Variants in SOHLH1 observed in about 807,000 individuals in gnomAD.
SOHLH1 encodes the protein spermatogenesis and oogenesis specific basic helix-loop-helix 1.
Under a neutral mutation model 36.2 loss-of-function variants are expected in SOHLH1, and 23 were observed. The observed-to-expected ratio is 0.64, with a 90% CI of 0.46 to 0.90. The LOEUF (loss-of-function observed/expected upper bound fraction) is 0.90, where lower values mean the gene tolerates loss of function less well. Ranked by LOEUF, SOHLH1 falls within the 40% of genes least tolerant of loss-of-function variation. SOHLH1 has a pLI of 0.00. For synonymous variants in SOHLH1, 289 were observed against 228.3 expected, an observed-to-expected ratio of 1.27 and a Z score of -2.40; for missense variants, 608 against 517.0, an observed-to-expected ratio of 1.18 and a Z score of -1.71.
intron 2 of SOHLH1, 49 bp from the exon 3 acceptor site, chr9:135,698,525 G>A (rs375877097): frequency 3.7e-5 from 60 of 1,612,162 alleles, no homozygotes; most frequent in South Asian, 7.7e-5. Flanking sequence ...TGCCCTCCCC[G>A]AGAAGGGACA....
At chr9:135,700,491 G>A (rs1484967794), upstream of SOHLH1, among the ~76,000 whole-genome samples, 1 of 151,974 alleles carries the variant, frequency 6.6e-6, no homozygotes. Flanking sequence ...GGCCTGGCTC[G>A]TGCTGAGGTC....
At chr9:135,701,536 AC>A (rs1835035077), upstream of SOHLH1, among the ~76,000 whole-genome samples, 1 of 152,026 alleles carries the variant, frequency 6.6e-6, no homozygotes, top group South Asian at 2.1e-4. Context: ...CCGCAGGGGG[AC>A]CCTCTGCTTC....
chr9:135,698,541 T>G (rs917195508), intron 2 of SOHLH1, 65 bp from the exon 3 acceptor site: 4 of 1,607,460 alleles, frequency 2.5e-6, no homozygotes, highest in Non-Finnish European at 3.4e-6. Context: ...GGACAGCAAC[T>G]GCTAGAACCT....
intron 7 of SOHLH1, 56 bp downstream of exon 7, chr9:135,694,331 G>A: frequency 6.2e-7 from 1 of 1,611,458 alleles, no homozygotes. Flanking sequence ...CAATTCCCCA[G>A]CTCATATCAG....
chr9:135,702,106 C>G, upstream of SOHLH1: 1 of 608,316 alleles, frequency 1.6e-6, no homozygotes, highest in East Asian at 3.2e-5. Flanking sequence ...AGGGGGCGCG[C>G]GCGGACAGAC....
Position 135,696,777 on chromosome 9 carries a change from T to C in SOHLH1, c.496A>G (p.Ser166Gly). 3.1e-6 allele frequency: 5 copies of C among 1,613,112 alleles called. No individual in the cohort carries two copies. Among genetic ancestry groups the C allele is most frequent in the Non-Finnish European group, 4.2e-6 (5 of 1,180,008 alleles). ...RTPDVKAFLE[S>G]PWSLDPASAS... The stretch of plus-strand genomic sequence containing the variant: ...GACGCTGGATCCAGGGACCAAGGAC[T>C]TTCCAGAAACGCCTTCACATCTGGG... Residue 166 changes from serine (S) to glycine (G), a missense_variant, in exon 5 of 8, where the codon AGT (serine) becomes GGT (glycine). Transcript: ENST00000425225.
intron 5 of SOHLH1, among the ~76,000 whole-genome samples, chr9:135,695,770 C>T (rs940393256): frequency 1.3e-5 from 2 of 152,122 alleles, no homozygotes; most frequent in African/African-American, 2.4e-5. Flanking sequence ...CAGCAGGGGC[C>T]GAGGGGAGTT....
chr9:135,694,985 G>A (rs1834730063), intron 6 of SOHLH1, 65 bp downstream of exon 6: 1 of 1,480,698 alleles, frequency 6.8e-7, no homozygotes, highest in Admixed American at 2.0e-5. Context: ...GGAGGAGGTG[G>A]GACAGGCTCA....
chr9:135,699,503 C>A (rs779713854), upstream of SOHLH1: 101 of 1,601,338 alleles, frequency 6.3e-5, no homozygotes, highest in Non-Finnish European at 8.4e-5. Flanking sequence ...ACGCGCACGG[C>A]CCCTTCCGCA....
At chr9:135,699,910 G>A (rs369705311), upstream of SOHLH1, among the ~76,000 whole-genome samples, 12 of 152,000 alleles carry the variant, frequency 7.9e-5, no homozygotes, top group East Asian at 1.4e-3. Flanking sequence ...CCCAGGCCTG[G>A]GGGACCCAGG....
rs1390870838 is a variant in SOHLH1 at position 135,693,648 on chromosome 9, C to T, written c.1113G>A (p.Leu371=). Residue 371 remains leucine, a synonymous_variant, in exon 8 of 8, where the codon CTG becomes CTA. Transcript: ENST00000425225. ...PWGLDVDCAG[L]ALKDEVESIF... ...TGCTCTCCACCTCGTCCTTCAGGGC[C>T]AGGCCTGCACAGTCCACATCCAGGC... 3.2e-6 allele frequency: 5 copies of T among 1,586,972 alleles called. No individual in the cohort carries two copies.
upstream of SOHLH1, among the ~76,000 whole-genome samples, chr9:135,701,616 C>T (rs1355443358): frequency 6.6e-6 from 1 of 151,596 alleles, no homozygotes; most frequent in Non-Finnish European, 1.5e-5. Flanking sequence ...TGTGTGTGCC[C>T]GTCTGGGTGA....
In SOHLH1 at chr9:135,693,676, C is replaced by A; in HGVS notation, c.1085G>T (p.Trp362Leu). 1 of 1,584,008 alleles carries A rather than the reference C, an allele frequency of 6.3e-7. No individual in the cohort carries two copies. Among genetic ancestry groups the A allele is most frequent in the Non-Finnish European group, 8.6e-7 (1 of 1,165,824 alleles). ...GCCTGCACAGTCCACATCCAGGCCC[C>A]ACGGCTCCAGAGGGCTGTCCTGGAG... is the stretch of plus-strand genomic sequence containing the variant. ...QELQDSPLEP[W>L]GLDVDCAGLA... The change falls in exon 8 of 8, where the codon TGG (tryptophan) becomes TTG (leucine). Residue 362 changes from tryptophan to leucine, a missense_variant. Trp to Leu is a moderately conservative substitution (Grantham distance 61). Transcript: ENST00000425225.
In SOHLH1 at chr9:135,694,288, T is replaced by C. The variant is rs1834702771; in HGVS notation, c.946+99A>G. 7 of 1,589,944 alleles carry C rather than the reference T, an allele frequency of 4.4e-6. 1 individual carries two copies. Among genetic ancestry groups the C allele is most frequent in the Middle Eastern group, 3.3e-4 (2 of 5,994 alleles). ...AAAACGGGGGCTCAGACACAGACCCTGGGGCCCCCTGACACACGCTAGGCC... is the reference window on the plus strand; with the variant it reads ...AAAACGGGGGCTCAGACACAGACCCCGGGGCCCCCTGACACACGCTAGGCC... On this transcript the variant is annotated intron_variant, in intron 7 of 7. Coordinates refer to ENST00000425225, the MANE Select transcript of SOHLH1 (RefSeq NM_001101677.2).
rs1564300437 is a variant in SOHLH1 at position 135,698,027 on chromosome 9, TCAG to T, written c.345+299_345+301del. On this transcript the variant is annotated intron_variant, in intron 3 of 7. Transcript: ENST00000425225. The stretch of plus-strand genomic sequence containing the variant: ...CTAGGGGGTGCTCAGCCAGGGAGGA[TCAG>T]GAGACCCCAACTCTCCCCCAAATTG... Among the ~76,000 whole-genome samples the T allele has an allele frequency of 2.0e-5, 3 of 151,720 alleles. No homozygotes were observed. In the East Asian group the frequency reaches 5.8e-4, roughly 29 times the overall value.
chr9:135,694,629 T>C (rs1245528542), intron 6 of SOHLH1, among the ~76,000 whole-genome samples, 172 bp from the exon 7 acceptor site: 1 of 152,122 alleles, frequency 6.6e-6, no homozygotes, highest in African/African-American at 2.4e-5. Context: ...CCACAGCCGC[T>C]GAGGACACGG....
rs1834895120 is a variant in SOHLH1, at chr9:135,698,405, A to G, written c.269T>C (p.Met90Thr). The G allele has an allele frequency of 1.9e-6, 3 of 1,613,026 alleles. No homozygotes were observed. The highest frequency in any genetic ancestry group is 1.7e-5 in the Admixed American group (1 of 60,014). The change falls in exon 3 of 8, where the codon ATG (methionine) becomes ACG (threonine). Residue 90 changes from methionine to threonine, a missense_variant. Transcript: ENST00000425225. ...CACAGACATCTCCAGGACCGAGGCCATGTCCTCCCGCCGGCCATCGAACTG... is the reference window on the plus strand; with the variant it reads ...CACAGACATCTCCAGGACCGAGGCCGTGTCCTCCCGCCGGCCATCGAACTG... ...LPQFDGRRED[M>T]ASVLEMSVQF... is the part of the protein sequence containing the mutation.
upstream of SOHLH1, among the ~76,000 whole-genome samples, chr9:135,701,369 C>T (rs1371669391): frequency 6.6e-6 from 1 of 152,258 alleles, no homozygotes; most frequent in Non-Finnish European, 1.5e-5. Context: ...TCCCCCTGGC[C>T]CTCGTGGGCA....
At position 135,693,487 on chromosome 9, in the gene SOHLH1, TAGGGTGC is replaced by T. The variant is rs924095059; in HGVS notation, c.*103_*109del. The T allele has an allele frequency of 2.2e-6, 3 of 1,386,690 alleles. No homozygotes were observed. The highest frequency in any genetic ancestry group is 2.9e-5 in the African/African-American group (2 of 68,728). The allele number at this position is 1,386,690 out of a possible 1,614,324, so 85.9% of individuals were successfully genotyped here. ...CACAGCCTGTAAGCCTCGCTCAAAT[TAGGGTGC>T]AGCTGCAACCCAAACCCAAAATAAA... is the stretch of plus-strand genomic sequence containing the variant. On this transcript the variant is annotated 3_prime_UTR_variant, in exon 8 of 8. Transcript: ENST00000425225.
Sources: gnomAD v4.1 joint callset for allele counts (sites outside exome capture counted in the v4.1 genomes callset) on GRCh38, gnomAD v4.1.1 for gene constraint, MANE v1.5 for transcripts, NCBI Gene and HGNC (gene_info 2026-07-23, HGNC 2026-07-21) for gene names.